TBX15: variants seen among roughly 807,000 people sequenced by gnomAD.
TBX15 encodes T-box transcription factor TBX15.
In TBX15, 18 loss-of-function variants were observed where a neutral mutation model predicts 53.9. The observed-to-expected ratio is 0.33, with a 90% confidence interval of 0.23 to 0.49. TBX15 has a LOEUF of 0.49. TBX15 is among the 20% of genes least tolerant of loss of function. The pLI is 0.98. For missense variants in TBX15, 692 were observed against 749.5 expected (o/e 0.92, Z 0.90); for synonymous variants, 295 against 278.0 (o/e 1.06, Z -0.61).
In TBX15 at chr1:118,931,645, A is replaced by G. The variant is rs1240285148; in HGVS notation, c.393T>C (p.Thr131=). 1.2e-6 allele frequency: 2 copies of G among 1,614,140 alleles called. No individual in the cohort carries two copies. Among genetic ancestry groups the G allele is most frequent in the Non-Finnish European group, 1.7e-6 (2 of 1,179,978 alleles). The change falls in exon 2 of 8, where the codon ACT becomes ACC. Residue 131 remains threonine, a synonymous_variant. Coordinates refer to ENST00000369429, the MANE Select transcript of TBX15 (RefSeq NM_001330677.2). ...TGCCTGCTTTGGTGATGATCATTTCAGTTCCAATATCATGGAACCGCTTCC... is the reference window on the plus strand; with the variant it reads ...TGCCTGCTTTGGTGATGATCATTTCGGTTCCAATATCATGGAACCGCTTCC... ...DLWKRFHDIG[T]EMIITKAGRR...
rs1003249581 is a variant in TBX15 at position 118,987,497 on chromosome 1, A to C, written c.205+94T>G. 3 of 1,388,214 alleles carry C rather than the reference A, an allele frequency of 2.2e-6. No homozygotes were observed. In the East Asian group the frequency reaches 7.5e-5, roughly 35 times the overall value. 86.0% of individuals were successfully genotyped at this position (1,388,214 alleles called of 1,614,324 possible). ...CTATGTTGGGGCAAGGCAGGGCGTCAATGGCAGGGCCTAGCTCCTCACCCG... is the reference window on the plus strand; with the variant it reads ...CTATGTTGGGGCAAGGCAGGGCGTCCATGGCAGGGCCTAGCTCCTCACCCG... On this transcript the variant is annotated intron_variant, in intron 1 of 7. Coordinates refer to ENST00000369429, the MANE Select transcript of TBX15 (RefSeq NM_001330677.2).
rs1430832692 is a variant in TBX15 at position 118,924,542 on chromosome 1, T to TAG, written c.693+102_693+103dup. ...TTACTTAAAATTACTTAAAGTGGCATAGAGATTCCTTATTTTACCTATTTG... is the reference window on the plus strand; with the variant it reads ...TTACTTAAAATTACTTAAAGTGGCATAGAGAGATTCCTTATTTTACCTATTTG... On this transcript the variant is annotated intron_variant, in intron 4 of 7. Transcript: ENST00000369429. The TAG allele has an allele frequency of 2.9e-6, 4 of 1,363,228 alleles. No individual in the cohort carries two copies. In the African/African-American group the frequency reaches 5.7e-5, roughly 20 times the overall value. The allele number at this position is 1,363,228 out of a possible 1,614,324, so 84.4% of individuals were successfully genotyped here. A position where few individuals can be genotyped will look rare whatever the true frequency, so the allele number is the denominator to read the frequency against.
intron 5 of TBX15, among the ~76,000 whole-genome samples, chr1:118,914,443 C>G (rs1422222474): frequency 6.6e-6 from 1 of 152,156 alleles, no homozygotes; most frequent in Non-Finnish European, 1.5e-5. Context: ...CTTCCTTGCC[C>G]CAGAGTGGTG....
chr1:118,969,820 T>C (rs921586538), intron 1 of TBX15, among the ~76,000 whole-genome samples: 3 of 152,250 alleles, frequency 2.0e-5, no homozygotes, highest in African/African-American at 7.2e-5. Flanking sequence ...AAACTCTCTT[T>C]TCCCATGCTT....
intron 1 of TBX15, among the ~76,000 whole-genome samples, chr1:118,937,549 G>A (rs1055745437): frequency 1.3e-5 from 2 of 152,182 alleles, no homozygotes; most frequent in African/African-American, 4.8e-5. Context: ...TGTGAATGAT[G>A]CAAGATAGCC....
chr1:118,947,767 A>C (rs116780663), intron 1 of TBX15, among the ~76,000 whole-genome samples: 1 of 152,320 alleles, frequency 6.6e-6, no homozygotes, highest in Non-Finnish European at 1.5e-5. Context: ...AGACTCGGTG[A>C]AGCAAAGTGG....
intron 1 of TBX15, among the ~76,000 whole-genome samples, chr1:118,981,957 A>G (rs553080271): frequency 2.6e-5 from 4 of 152,380 alleles, no homozygotes; most frequent in Non-Finnish European, 5.9e-5. Flanking sequence ...AAGAGATTCC[A>G]CATTCCACCA....
chr1:118,983,184 G>T (rs573534308), intron 1 of TBX15, among the ~76,000 whole-genome samples: 2 of 152,180 alleles, frequency 1.3e-5, no homozygotes, highest in South Asian at 4.2e-4. Flanking sequence ...GGGTGGGAAG[G>T]GACCTTTGGA....
In TBX15 at chr1:118,885,075, CTGGAGGCAGCATTGCCTGCCTGCA is replaced by C. The variant is rs774853072; in HGVS notation, c.1442_1465del (p.Met481_Ser488del). 1 of 1,614,118 alleles carries C rather than the reference CTGGAGGCAGCATTGCCTGCCTGCA, an allele frequency of 6.2e-7. No homozygotes were observed. Reference sequence around the variant, plus strand: ...CCCGAACATGTGTGGTGATGAGGAGCTGGAGGCAGCATTGCCTGCCTGCATGACATACTGAAACTGGGAAGTGGG... The same window carrying C: ...CCCGAACATGTGTGGTGATGAGGAGCTGACATACTGAAACTGGGAAGTGGG... On this transcript the variant is annotated inframe_deletion, in exon 8 of 8. Transcript: ENST00000369429.
chr1:118,984,899 C>T (rs1657778686), intron 1 of TBX15, among the ~76,000 whole-genome samples: 1 of 152,182 alleles, frequency 6.6e-6, no homozygotes, highest in Admixed American at 6.5e-5. Flanking sequence ...CGGGCGCCAA[C>T]TAAAGCCAGC....
At chr1:118,960,991 G>A (rs1571207607) in intron 1 of TBX15, among the ~76,000 whole-genome samples, 1 of 152,318 alleles carries the variant, frequency 6.6e-6, no homozygotes, top group African/African-American at 2.4e-5. Flanking sequence ...AGCAGTAGCA[G>A]GAAAGGCTGG....
At chr1:118,942,056 T>C (rs550432555) in intron 1 of TBX15, among the ~76,000 whole-genome samples, 78 of 152,334 alleles carry the variant, frequency 5.1e-4, no homozygotes, top group Non-Finnish European at 1.0e-3. Context: ...CAGATATTAT[T>C]ATCTAAGAGA....
chr1:118,964,280 C>T (rs1231552077), intron 1 of TBX15, among the ~76,000 whole-genome samples: 1 of 152,230 alleles, frequency 6.6e-6, no homozygotes, highest in Non-Finnish European at 1.5e-5. Flanking sequence ...TCTTATCTTT[C>T]CCCATTCCAT....
chr1:118,951,452 A>C (rs1656508317), intron 1 of TBX15, among the ~76,000 whole-genome samples: 1 of 152,204 alleles, frequency 6.6e-6, no homozygotes, highest in Non-Finnish European at 1.5e-5. Context: ...GGTTTTGAGT[A>C]ACAATAATAG....
chr1:118,884,945 C>G lies in TBX15; in HGVS notation c.1596G>C (p.Pro532=), dbSNP rs574411651. 1 of 1,614,140 alleles carries G rather than the reference C, an allele frequency of 6.2e-7. No individual in the cohort carries two copies. The highest frequency in any genetic ancestry group is 8.5e-7 in the Non-Finnish European group (1 of 1,180,016). ...FPTSPRLAAS[P]EKLSASQSTL... ...TGCTTTGAGAGGCGCTCAGTTTTTC[C>G]GGGCTTGCAGCTAGCCTAGGGGAAG... Residue 532 remains proline (P), a synonymous_variant, in exon 8 of 8, where the codon CCG becomes CCC. Transcript: ENST00000369429.
At position 118,893,587 on chromosome 1, in the gene TBX15, G is replaced by A. The variant is rs184848954; in HGVS notation, c.1024+5441C>T. Among the ~76,000 whole-genome samples, 114 of 122,526 alleles carry A rather than the reference G, an allele frequency of 9.3e-4. 3 individuals are homozygous for A. The East Asian group carries it at 0.025, about 27-fold the overall frequency. The allele number at this position is 122,526 out of a possible 152,430, so 80.4% of individuals were successfully genotyped here. On this transcript the variant is annotated intron_variant, in intron 7 of 7. Coordinates refer to ENST00000369429, the MANE Select transcript of TBX15 (RefSeq NM_001330677.2). The stretch of plus-strand genomic sequence containing the variant: ...GAAGGAAGGAAGGAAAGAAAGAAAG[G>A]AAGGAAGGAAGGAAAGAAAGAAAGA...
At chr1:118,943,642 T>C (rs1656254788) in intron 1 of TBX15, among the ~76,000 whole-genome samples, 1 of 152,106 alleles carries the variant, frequency 6.6e-6, no homozygotes, top group Admixed American at 6.5e-5. Context: ...CAACTGAGGC[T>C]GAAAAAGCTG....
intron 5 of TBX15, among the ~76,000 whole-genome samples, chr1:118,921,756 A>G (rs1655431529): frequency 6.6e-6 from 1 of 152,190 alleles, no homozygotes; most frequent in Non-Finnish European, 1.5e-5. Flanking sequence ...AGTTCCTAAG[A>G]ACACCAAGGA....
chr1:118,898,247 C>T (rs534867897), intron 7 of TBX15, among the ~76,000 whole-genome samples: 6 of 152,102 alleles, frequency 3.9e-5, no homozygotes, highest in African/African-American at 7.2e-5. Context: ...TAAAACCTGA[C>T]AGATTTCAGC....
Sources: allele counts gnomAD v4.1 joint callset (sites outside exome capture counted in the v4.1 genomes callset), GRCh38; gene constraint gnomAD v4.1.1; transcripts MANE v1.5; gene names NCBI Gene and HGNC (gene_info 2026-07-23, HGNC 2026-07-21).